Variants in CD1B observed in about 807,000 individuals in gnomAD.
CD1B encodes the protein T-cell surface glycoprotein CD1b.
A neutral mutation model predicts 39.8 loss-of-function variants in CD1B; 43 were observed. That is an observed-to-expected ratio of 1.08 (90% confidence interval 0.85 to 1.39). The LOEUF (loss-of-function observed/expected upper bound fraction) is 1.39, where lower values mean the gene tolerates loss of function less well. CD1B is among the 40% of genes most tolerant of loss of function. The probability of loss-of-function intolerance (pLI) is 0.00; values close to 1 mark genes in which losing one functional copy is unlikely to be tolerated. For missense variants in CD1B, 495 were observed against 403.8 expected (o/e 1.23, Z -1.94); for synonymous variants, 192 against 152.5 (o/e 1.26, Z -1.91).
the CD1B span, among the ~76,000 whole-genome samples, chr1:158,320,680 TC>T: frequency 6.6e-6 from 1 of 151,872 alleles, no homozygotes; most frequent in Non-Finnish European, 1.5e-5. Context: ...TCTTGGCTCC[TC>T]CCCCTCCATA....
At chr1:158,329,704 T>C in intron 3 of CD1B, 56 bp from the exon 4 acceptor site, 2 of 1,589,860 alleles carry the variant, frequency 1.3e-6, no homozygotes, top group South Asian at 1.2e-5. Context: ...TCAGAGGTTA[T>C]GAACTCAGAA....
chr1:158,309,635 G>A, the CD1B span, among the ~76,000 whole-genome samples: 1 of 152,082 alleles, frequency 6.6e-6, no homozygotes, highest in East Asian at 1.9e-4. Flanking sequence ...TATACACCAT[G>A]GAATACTATG....
At chr1:158,299,099 C>T in the CD1B span, among the ~76,000 whole-genome samples, 15 of 152,098 alleles carry the variant, frequency 9.9e-5, no homozygotes, top group African/African-American at 3.6e-4. Context: ...TGCCAGTTTT[C>T]AAAGGGAATG....
At chr1:158,309,380 G>A in the CD1B span, among the ~76,000 whole-genome samples, 9 of 152,228 alleles carry the variant, frequency 5.9e-5, no homozygotes, top group South Asian at 6.2e-4. Context: ...TACACTGTTG[G>A]TGGGACTGTA....
chr1:158,331,237 G>T, intron 1 of CD1B, 126 bp downstream of exon 1: 1 of 1,095,926 alleles, frequency 9.1e-7, no homozygotes, highest in South Asian at 1.4e-5. Flanking sequence ...CACCAGAATG[G>T]TTGAAGAGGG....
chr1:158,323,283 C>T (rs370820058), downstream of CD1B, among the ~76,000 whole-genome samples: 4 of 151,068 alleles, frequency 2.6e-5, no homozygotes, highest in Admixed American at 6.6e-5. Context: ...TGTTAATGCT[C>T]GTATTGCATT....
the CD1B span, among the ~76,000 whole-genome samples, chr1:158,298,324 T>C: frequency 6.6e-6 from 1 of 152,160 alleles, no homozygotes; most frequent in African/African-American, 2.4e-5. Context: ...ACTGACAGCA[T>C]TAGATAGATC....
the CD1B span, among the ~76,000 whole-genome samples, chr1:158,316,889 G>A: frequency 2.0e-5 from 3 of 151,948 alleles, no homozygotes; most frequent in African/African-American, 4.9e-5. Flanking sequence ...TTTTGTCAAA[G>A]GTCTTTTCTG....
At chr1:158,295,028 C>T in the CD1B span, among the ~76,000 whole-genome samples, 1 of 152,242 alleles carries the variant, frequency 6.6e-6, no homozygotes, top group South Asian at 2.1e-4. Context: ...CACCCTTAGT[C>T]ACCCTGTGAC....
chr1:158,315,128 T>C, the CD1B span, among the ~76,000 whole-genome samples: 2 of 152,132 alleles, frequency 1.3e-5, no homozygotes, highest in African/African-American at 4.8e-5. Context: ...CGTGTGCATG[T>C]GTCTTTATAG....
the CD1B span, among the ~76,000 whole-genome samples, chr1:158,299,586 G>A: frequency 1.1e-4 from 16 of 152,274 alleles, no homozygotes; most frequent in African/African-American, 3.8e-4. Flanking sequence ...TGTACCTTTA[G>A]TAGAATTTGT....
At chr1:158,291,183 C>G in the CD1B span, 1 of 1,613,648 alleles carries the variant, frequency 6.2e-7, no homozygotes, top group Admixed American at 1.7e-5. Context: ...TCTCATTTGT[C>G]AACCAATCCT....
the CD1B span, among the ~76,000 whole-genome samples, chr1:158,302,999 A>G: frequency 6.6e-6 from 1 of 152,132 alleles, no homozygotes; most frequent in African/African-American, 2.4e-5. Flanking sequence ...ACATTAGCTA[A>G]TTTTCCTGAA....
chr1:158,321,539 G>A, the CD1B span, among the ~76,000 whole-genome samples: 29 of 152,250 alleles, frequency 1.9e-4, no homozygotes, highest in African/African-American at 5.5e-4. Context: ...AGGTACTACT[G>A]ACATTTTGTT....
At chr1:158,314,642 GTTTTTTTT>G in the CD1B span, among the ~76,000 whole-genome samples, 2 of 150,600 alleles carry the variant, frequency 1.3e-5, no homozygotes, top group African/African-American at 4.9e-5. Context: ...GTTTTGTTTT[GTTTTTTTT>G]ATTTTTTTAT....
chr1:158,317,957 A>G, the CD1B span, among the ~76,000 whole-genome samples: 6 of 152,100 alleles, frequency 3.9e-5, no homozygotes, highest in Non-Finnish European at 7.4e-5. Flanking sequence ...TTCAGTTTCC[A>G]TGTAGTTGTG....
Position 158,328,981 on chromosome 1 carries a change from G to C in CD1B, c.920C>G (p.Ala307Gly), listed in dbSNP as rs1652470741. The C allele has an allele frequency of 3.1e-6, 5 of 1,613,666 alleles. No homozygotes were observed. The highest frequency in any genetic ancestry group is 1.3e-5 in the African/African-American group (1 of 74,832). Reference protein sequence around the residue: ...NPTSIGSIVLAIIVPSLLLLL... With the variant: ...NPTSIGSIVLGIIVPSLLLLL... ...AAGGAGCAAGGAAGGCACTATTATTGCCAAAACAATTGAGCCAATGGAGGT... is the reference window on the plus strand; with the variant it reads ...AAGGAGCAAGGAAGGCACTATTATTCCCAAAACAATTGAGCCAATGGAGGT... Residue 307 changes from alanine to glycine, a missense_variant, in exon 5 of 6, where the codon GCA becomes GGA. Ala to Gly is a moderately conservative substitution (Grantham distance 60). Transcript: ENST00000368168.
chr1:158,320,582 C>T, the CD1B span, among the ~76,000 whole-genome samples: 20 of 152,184 alleles, frequency 1.3e-4, no homozygotes, highest in South Asian at 1.7e-3. Flanking sequence ...GAGACGAACC[C>T]GGTACCTCAG....
chr1:158,316,367 C>T, the CD1B span, among the ~76,000 whole-genome samples: 3 of 151,702 alleles, frequency 2.0e-5, no homozygotes, highest in African/African-American at 7.3e-5. Flanking sequence ...TGAAGAGGTC[C>T]TTCACATCCC....
Sources: allele counts gnomAD v4.1 joint callset (sites outside exome capture counted in the v4.1 genomes callset), GRCh38; gene constraint gnomAD v4.1.1; transcripts MANE v1.5; gene names NCBI Gene and HGNC (gene_info 2026-07-23, HGNC 2026-07-21).